The following THSD7A variants were observed in gnomAD, a reference collection of about 807,000 sequenced individuals.
The protein encoded by THSD7A is thrombospondin type 1 domain containing 7A, also known as thrombospondin type-1 domain-containing protein 7A.
Under a neutral mutation model 231.3 loss-of-function variants are expected in THSD7A, and 96 were observed. That is an observed-to-expected ratio of 0.41 (90% CI 0.35 to 0.49). THSD7A has a LOEUF of 0.49. Among genes scored for constraint, THSD7A ranks in the 20% least tolerant of loss-of-function variants. The pLI is 0.05. For synonymous variants in THSD7A, 940 were observed against 743.3 expected (o/e 1.26, Z -4.30); for missense variants, 2,290 against 2,070.2 (o/e 1.11, Z -2.06).
chr7:11,544,598 G>C (rs1238767863), intron 4 of THSD7A, among the ~76,000 whole-genome samples: 1 of 152,122 alleles, frequency 6.6e-6, no homozygotes, highest in Non-Finnish European at 1.5e-5. Flanking sequence ...TACTATGTCT[G>C]TTTGTAATTT....
intron 1 of THSD7A, among the ~76,000 whole-genome samples, chr7:11,664,255 T>C (rs1462609451): frequency 6.6e-6 from 1 of 151,876 alleles, no homozygotes; most frequent in Admixed American, 6.6e-5. Flanking sequence ...AACATATGTA[T>C]GTTGTCCCTG....
At chr7:11,396,364 C>A (rs921636627) in intron 23 of THSD7A, among the ~76,000 whole-genome samples, 2 of 151,612 alleles carry the variant, frequency 1.3e-5, no homozygotes, top group African/African-American at 4.8e-5. Context: ...TTGAAAAGAT[C>A]AACAATTTAG....
At chr7:11,463,061 A>G (rs1785565379) in intron 9 of THSD7A, among the ~76,000 whole-genome samples, 1 of 152,188 alleles carries the variant, frequency 6.6e-6, no homozygotes, top group Non-Finnish European at 1.5e-5. Context: ...ATGCATTTTC[A>G]TTATTTTGCA....
At chr7:11,813,717 TAATAATAATA>T (rs1784598000) in intron 1 of THSD7A, among the ~76,000 whole-genome samples, 1 of 5,528 alleles carries the variant, frequency 1.8e-4, no homozygotes, top group African/African-American at 3.8e-4. Context: ...CATCTCAAAA[TAATAATAATA>T]ATAATAATAA....
intron 4 of THSD7A, among the ~76,000 whole-genome samples, chr7:11,578,640 G>A (rs569838724): frequency 6.6e-6 from 1 of 152,276 alleles, no homozygotes; most frequent in South Asian, 2.1e-4. Context: ...AAATATAGCA[G>A]AAAAGGGCTA....
Position 11,729,614 on chromosome 7 carries a change from G to A in THSD7A, c.191-92653C>T, listed in dbSNP as rs777416938. On this transcript the variant is annotated intron_variant, in intron 1 of 27. Transcript: ENST00000423059. ...ATTTATACTACAGGTTGTTTTGTTG[G>A]TTTTCTCATGTAAATAACTTAAAAG... is the stretch of plus-strand genomic sequence containing the variant. Among the ~76,000 whole-genome samples, 17 of 151,896 alleles carry A rather than the reference G, an allele frequency of 1.1e-4. No homozygotes were observed. The Middle Eastern group carries it at 0.02, about 182-fold the overall frequency.
chr7:11,728,562 G>T (rs1027602204), intron 1 of THSD7A, among the ~76,000 whole-genome samples: 1 of 151,856 alleles, frequency 6.6e-6, no homozygotes, highest in Non-Finnish European at 1.5e-5. Context: ...TTATGGGGTA[G>T]AAGACAATGA....
chr7:11,387,899 T>C (rs988571502), intron 23 of THSD7A, among the ~76,000 whole-genome samples: 2 of 152,228 alleles, frequency 1.3e-5, no homozygotes, highest in African/African-American at 4.8e-5. Flanking sequence ...ACCTAGATTA[T>C]TGAGAATTTT....
chr7:11,417,920 G>C (rs1784015820), intron 16 of THSD7A, among the ~76,000 whole-genome samples: 1 of 152,144 alleles, frequency 6.6e-6, no homozygotes, highest in Admixed American at 6.5e-5. Flanking sequence ...GAAAGAAGAG[G>C]GTCATTTATA....
chr7:11,395,287 A>G (rs755719398), intron 23 of THSD7A, among the ~76,000 whole-genome samples: 1 of 152,206 alleles, frequency 6.6e-6, no homozygotes, highest in African/African-American at 2.4e-5. Flanking sequence ...CCAAATATAG[A>G]TGCACCCAAT....
At chr7:11,700,243 CAG>C (rs367808360) in intron 1 of THSD7A, among the ~76,000 whole-genome samples, 2 of 151,160 alleles carry the variant, frequency 1.3e-5, no homozygotes, top group African/African-American at 2.4e-5. Flanking sequence ...GCTTCCAACT[CAG>C]GGGATAAAAG....
intron 3 of THSD7A, among the ~76,000 whole-genome samples, chr7:11,591,408 G>A (rs1048984709): frequency 6.6e-6 from 1 of 152,036 alleles, no homozygotes; most frequent in Non-Finnish European, 1.5e-5. Context: ...CCACCTCAAG[G>A]AAAATGGATG....
At chr7:11,536,150 T>C (rs541955142) in intron 6 of THSD7A, among the ~76,000 whole-genome samples, 4 of 152,202 alleles carry the variant, frequency 2.6e-5, no homozygotes. Flanking sequence ...AAAATTCAAA[T>C]AGAATTATTT....
intron 13 of THSD7A, among the ~76,000 whole-genome samples, chr7:11,429,558 C>T (rs1434634158): frequency 6.6e-6 from 1 of 152,210 alleles, no homozygotes; most frequent in Non-Finnish European, 1.5e-5. Flanking sequence ...AAATCCCAGT[C>T]CCTTTCACTC....
intron 19 of THSD7A, 78 bp from the exon 20 acceptor site, chr7:11,407,501 GAGA>G: frequency 1.9e-6 from 2 of 1,031,538 alleles, no homozygotes; most frequent in Non-Finnish European, 2.9e-6. Flanking sequence ...CAAGAAAGAA[GAGA>G]AGGAGGGAGA....
intron 1 of THSD7A, among the ~76,000 whole-genome samples, chr7:11,748,897 T>A (rs1782404779): frequency 1.3e-5 from 2 of 152,004 alleles, no homozygotes; most frequent in African/African-American, 4.8e-5. Context: ...GTGATATATT[T>A]ATTGATCATA....
intron 7 of THSD7A, among the ~76,000 whole-genome samples, chr7:11,476,219 T>G (rs1439538519): frequency 6.6e-6 from 1 of 151,900 alleles, no homozygotes; most frequent in Non-Finnish European, 1.5e-5. Flanking sequence ...AAATATTTTT[T>G]GAGACAATTC....
At chr7:11,777,563 A>C (rs913291096) in intron 1 of THSD7A, among the ~76,000 whole-genome samples, 6 of 152,024 alleles carry the variant, frequency 3.9e-5, no homozygotes, top group Non-Finnish European at 7.4e-5. Context: ...CATCTCCCTT[A>C]CTGGGGTCCC....
At chr7:11,782,296 G>T (rs1417486209) in intron 1 of THSD7A, among the ~76,000 whole-genome samples, 1 of 152,102 alleles carries the variant, frequency 6.6e-6, no homozygotes, top group African/African-American at 2.4e-5. Context: ...CTGACAGATT[G>T]TCACAAATGA....
Sources: allele counts gnomAD v4.1 joint callset (sites outside exome capture counted in the v4.1 genomes callset), GRCh38; gene constraint gnomAD v4.1.1; transcripts MANE v1.5; gene names NCBI Gene and HGNC (gene_info 2026-07-23, HGNC 2026-07-21).